The following ST7 variants were observed in gnomAD, a reference collection of about 807,000 sequenced individuals.
ST7 encodes suppression of tumorigenicity 7.
ST7 carries 28 observed loss-of-function variants against 78.7 expected under a neutral mutation model. That is an observed-to-expected ratio of 0.36 (90% CI 0.26 to 0.49). ST7 has a LOEUF of 0.49. Among genes scored for constraint, ST7 ranks in the 20% least tolerant of loss-of-function variants. ST7 has a pLI of 0.99. For missense variants in ST7, 418 were observed against 696.0 expected (o/e 0.60, Z 4.49); for synonymous variants, 247 against 249.6 (o/e 0.99, Z 0.10).
chr7:117,114,641 G>A (rs1802709807), intron 2 of ST7, among the ~76,000 whole-genome samples: 1 of 152,182 alleles, frequency 6.6e-6, no homozygotes, highest in Non-Finnish European at 1.5e-5. Context: ...AATGGTGTTG[G>A]TGTGGAATTA....
chr7:117,027,658 G>A (rs1252953330), intron 1 of ST7, among the ~76,000 whole-genome samples: 3 of 152,112 alleles, frequency 2.0e-5, no homozygotes, highest in African/African-American at 7.2e-5. Context: ...CGAGGCATGA[G>A]GATTGTTTGA....
At chr7:117,172,342 C>CTGTTTT (rs1808060487) in intron 10 of ST7, among the ~76,000 whole-genome samples, 1 of 152,188 alleles carries the variant, frequency 6.6e-6, no homozygotes, top group Non-Finnish European at 1.5e-5. Flanking sequence ...CATTATGAGA[C>CTGTTTT]TGTTTTTGTT....
chr7:116,993,882 A>C (rs1285220180), intron 1 of ST7, among the ~76,000 whole-genome samples: 1 of 152,246 alleles, frequency 6.6e-6, no homozygotes, highest in Admixed American at 6.5e-5. Flanking sequence ...GTATTGTATA[A>C]GGTATTTTCA....
At chr7:116,972,286 G>C (rs377561874) in intron 1 of ST7, 2 of 571,062 alleles carry the variant, frequency 3.5e-6, no homozygotes, top group South Asian at 3.2e-5. Flanking sequence ...CTTGGCTACC[G>C]ATCTCTCAGC....
intron 12 of ST7, among the ~76,000 whole-genome samples, chr7:117,201,698 T>C (rs1810869787): frequency 6.6e-6 from 1 of 151,984 alleles, no homozygotes; most frequent in Non-Finnish European, 1.5e-5. Context: ...AGTTTTGCCA[T>C]GTTGCCCAGG....
intron 1 of ST7, among the ~76,000 whole-genome samples, chr7:117,083,483 T>A (rs1799932477): frequency 6.6e-6 from 1 of 152,026 alleles, no homozygotes; most frequent in African/African-American, 2.4e-5. Flanking sequence ...GTCTCAAAAC[T>A]CCTGACATCT....
intron 1 of ST7, among the ~76,000 whole-genome samples, chr7:116,991,167 T>C (rs1794410438): frequency 6.6e-6 from 1 of 152,256 alleles, no homozygotes; most frequent in African/African-American, 2.4e-5. Context: ...GGACCTATTA[T>C]GAATAGTTAG....
chr7:117,010,779 G>A (rs968523910), intron 1 of ST7, among the ~76,000 whole-genome samples: 2 of 152,198 alleles, frequency 1.3e-5, no homozygotes, highest in African/African-American at 4.8e-5. Context: ...GAAATGCGAT[G>A]TAAGATATTA....
intron 1 of ST7, chr7:116,968,439 C>T: frequency 2.2e-6 from 1 of 452,986 alleles, no homozygotes; most frequent in Non-Finnish European, 4.5e-6. Context: ...AATTCCTGGG[C>T]TCAAGCAATC....
intron 1 of ST7, among the ~76,000 whole-genome samples, chr7:116,987,704 G>C (rs1450771254): frequency 6.6e-6 from 1 of 152,170 alleles, no homozygotes; most frequent in African/African-American, 2.4e-5. Flanking sequence ...TTTGGTACCA[G>C]AAATCACCCA....
At chr7:117,180,020 G>A (rs887322865) in intron 10 of ST7, among the ~76,000 whole-genome samples, 3 of 152,178 alleles carry the variant, frequency 2.0e-5, no homozygotes, top group African/African-American at 4.8e-5. Flanking sequence ...TTAGAATTTG[G>A]TTTTTCTTTC....
intron 9 of ST7, among the ~76,000 whole-genome samples, chr7:117,167,050 A>G (rs1377841404): frequency 7.0e-6 from 1 of 143,666 alleles, no homozygotes; most frequent in African/African-American, 2.9e-5. Context: ...GATGGTAATG[A>G]TTCTTTTTTT....
intron 13 of ST7, among the ~76,000 whole-genome samples, chr7:117,214,289 T>C (rs933565471): frequency 6.6e-6 from 1 of 152,006 alleles, no homozygotes; most frequent in Admixed American, 6.6e-5. Flanking sequence ...TTTTTAGAGA[T>C]CCCCCCGCCC....
chr7:117,154,503 G>C (rs1222782366), intron 9 of ST7, among the ~76,000 whole-genome samples: 2 of 152,220 alleles, frequency 1.3e-5, no homozygotes, highest in Non-Finnish European at 2.9e-5. Context: ...GGATATGGTA[G>C]AGGTGCAGAG....
At position 117,170,842 on chromosome 7, in the gene ST7, C is replaced by A; in HGVS notation, c.964-20C>A. The A allele has an allele frequency of 7.5e-7, 1 of 1,333,490 alleles. No individual in the cohort carries two copies. The highest frequency in any genetic ancestry group is 1.0e-6 in the Non-Finnish European group (1 of 957,020). 82.6% of individuals were successfully genotyped at this position (1,333,490 alleles called of 1,614,324 possible). A position where few individuals can be genotyped will look rare whatever the true frequency, so the allele number is the denominator to read the frequency against. ...GACATACATAATATACTAATTATTCCTTGGTTTCTTCTGCCCTAGTTAATG... is the reference window on the plus strand; with the variant it reads ...GACATACATAATATACTAATTATTCATTGGTTTCTTCTGCCCTAGTTAATG... On this transcript the variant is annotated intron_variant, in intron 9 of 15. Coordinates refer to ENST00000323984, the MANE Select transcript of ST7 (RefSeq NM_001369598.1).
intron 9 of ST7, among the ~76,000 whole-genome samples, chr7:117,160,196 G>A (rs1281221162): frequency 1.4e-5 from 2 of 147,526 alleles, no homozygotes; most frequent in African/African-American, 5.1e-5. Context: ...TTGCCCCACT[G>A]CACTCCAGCC....
At chr7:116,994,073 A>G (rs552005041) in intron 1 of ST7, among the ~76,000 whole-genome samples, 2 of 152,312 alleles carry the variant, frequency 1.3e-5, no homozygotes, top group African/African-American at 4.8e-5. Flanking sequence ...GTACATTCAC[A>G]TTGTTATGCA....
At chr7:116,985,410 A>G (rs1043671864) in intron 1 of ST7, among the ~76,000 whole-genome samples, 1 of 152,208 alleles carries the variant, frequency 6.6e-6, no homozygotes, top group African/African-American at 2.4e-5. Context: ...ATTTTTCAAT[A>G]TGAACAGAAA....
chr7:117,024,088 A>G (rs1424062971), intron 1 of ST7, among the ~76,000 whole-genome samples: 4 of 152,192 alleles, frequency 2.6e-5, no homozygotes, highest in Non-Finnish European at 5.9e-5. Flanking sequence ...TGCTGGGATT[A>G]TAGGTGTAAG....
Sources: allele counts gnomAD v4.1 joint callset (sites outside exome capture counted in the v4.1 genomes callset), GRCh38; gene constraint gnomAD v4.1.1; transcripts MANE v1.5; gene names NCBI Gene and HGNC (gene_info 2026-07-23, HGNC 2026-07-21).